Variants in TPRG1 observed in about 807,000 individuals in gnomAD.
TPRG1 encodes tumor protein p63 regulated 1, also known as tumor protein p63-regulated gene 1 protein.
A neutral mutation model predicts 29.3 loss-of-function variants in TPRG1; 29 were observed. The observed-to-expected ratio is 0.99, with a 90% CI of 0.74 to 1.35. TPRG1 has a LOEUF of 1.35. Ranked by LOEUF, TPRG1 falls within the 40% of genes most tolerant of loss-of-function variation. The pLI is 0.00. For missense variants in TPRG1, 327 were observed against 335.0 expected (o/e 0.98, Z 0.19); for synonymous variants, 130 against 116.8 (o/e 1.11, Z -0.73).
At chr3:189,005,832 ATTAAT>A (rs1330093161) in intron 3 of TPRG1, among the ~76,000 whole-genome samples, 4 of 152,194 alleles carry the variant, frequency 2.6e-5, no homozygotes, top group African/African-American at 9.6e-5. Flanking sequence ...GAAATAATTA[ATTAAT>A]TAAATTTATT....
At chr3:189,294,110 G>T (rs1030007271) in intron 4 of TPRG1, among the ~76,000 whole-genome samples, 1 of 152,114 alleles carries the variant, frequency 6.6e-6, no homozygotes, top group Non-Finnish European at 1.5e-5. Flanking sequence ...AGCATAGTTG[G>T]GTATACAAAA....
chr3:189,067,748 AG>A (rs1716547825), intron 4 of TPRG1, among the ~76,000 whole-genome samples: 1 of 152,222 alleles, frequency 6.6e-6, no homozygotes, highest in South Asian at 2.1e-4. Flanking sequence ...GAAACTCTCT[AG>A]GACATTGGTC....
At chr3:189,131,493 GATAAC>G (rs1440222849) in intron 2 of TPRG1, among the ~76,000 whole-genome samples, 2 of 152,264 alleles carry the variant, frequency 1.3e-5, no homozygotes, top group African/African-American at 4.8e-5. Flanking sequence ...GATAGCAGTT[GATAAC>G]ATAATAATAA....
intron 5 of TPRG1, among the ~76,000 whole-genome samples, chr3:189,312,119 T>TTCTCTCTCTCTCTCTCTC (rs1722655272): frequency 2.3e-5 from 1 of 42,804 alleles, no homozygotes; most frequent in African/African-American, 1.1e-4. Flanking sequence ...CTTTCTTTGT[T>TTCTCTCTCTCTCTCTCTC]TCTTTCTTTC....
intron 4 of TPRG1, among the ~76,000 whole-genome samples, chr3:189,280,963 C>T (rs146367664): frequency 1.3e-5 from 2 of 152,136 alleles, no homozygotes; most frequent in Admixed American, 6.5e-5. Context: ...AGGTGGTCTG[C>T]AGCCCCAGGA....
intron 4 of TPRG1, among the ~76,000 whole-genome samples, chr3:189,083,788 T>C (rs1717756628): frequency 6.7e-6 from 1 of 150,176 alleles, no homozygotes; most frequent in Non-Finnish European, 1.5e-5. Context: ...TCAAAACCCA[T>C]TTTTGTCATT....
At chr3:189,092,515 T>C (rs1718405419) in intron 4 of TPRG1, among the ~76,000 whole-genome samples, 1 of 152,014 alleles carries the variant, frequency 6.6e-6, no homozygotes, top group South Asian at 2.1e-4. Flanking sequence ...TTCTTAGGTC[T>C]GTGGCTTCTC....
intron 2 of TPRG1, among the ~76,000 whole-genome samples, chr3:189,208,928 G>A (rs2108812185): frequency 6.6e-6 from 1 of 152,318 alleles, no homozygotes; most frequent in East Asian, 1.9e-4. Context: ...TCTGAATCTG[G>A]TGTTGGGCCT....
intron 4 of TPRG1, among the ~76,000 whole-genome samples, chr3:189,087,452 AGGTT>A (rs771338963): frequency 2.6e-4 from 39 of 152,126 alleles, no homozygotes; most frequent in Non-Finnish European, 4.6e-4. Flanking sequence ...CCCATTCTGT[AGGTT>A]GCCTGTTCAC....
chr3:189,212,551 G>A (rs1560559447), intron 2 of TPRG1, among the ~76,000 whole-genome samples: 1 of 139,760 alleles, frequency 7.2e-6, no homozygotes, highest in Non-Finnish European at 1.5e-5. Flanking sequence ...ATCCTGTGAA[G>A]ATTGTAAAAA....
At chr3:189,059,597 A>T (rs1715961707) in intron 4 of TPRG1, among the ~76,000 whole-genome samples, 1 of 152,078 alleles carries the variant, frequency 6.6e-6, no homozygotes, top group Non-Finnish European at 1.5e-5. Flanking sequence ...ATCTTAAAAA[A>T]ACAAAAACAA....
At position 189,105,897 on chromosome 3, in the gene TPRG1, T is replaced by C. The variant is rs919273908; in HGVS notation, c.-744+5693T>C. Among the ~76,000 whole-genome samples, 10 of 152,068 alleles carry C rather than the reference T, an allele frequency of 6.6e-5. No individual in the cohort carries two copies. The East Asian group carries it at 1.9e-3, about 29-fold the overall frequency. ...AACCTAGTGTGTCCACTGGGGCATG[T>C]TGGGTTTGGGGAGGGAAAGTATCAG... On this transcript the variant is annotated intron_variant, in intron 1 of 6. Transcript: ENST00000412373.
intron 1 of TPRG1, among the ~76,000 whole-genome samples, chr3:189,174,169 A>G (rs1729181490): frequency 6.6e-6 from 1 of 152,224 alleles, no homozygotes; most frequent in Admixed American, 6.5e-5. Context: ...GTCAAGTCCG[A>G]GAATTCATTT....
rs187487658 is a variant in TPRG1, at chr3:189,252,559, T to C, written c.479+13650T>C. Among the ~76,000 whole-genome samples, 481 of 152,236 alleles carry C rather than the reference T, an allele frequency of 3.2e-3. 5 individuals are homozygous for C. Among genetic ancestry groups the C allele is most frequent in the African/African-American group, 0.011 (462 of 41,536 alleles). On this transcript the variant is annotated intron_variant, in intron 4 of 5. Coordinates refer to ENST00000345063, the MANE Select transcript of TPRG1 (RefSeq NM_198485.4). ...TTGTGTTTATAACCTCCCAGAAAAGTAGAGGAAGGAGGGGAAGACTATGGT... is the reference window on the plus strand; with the variant it reads ...TTGTGTTTATAACCTCCCAGAAAAGCAGAGGAAGGAGGGGAAGACTATGGT...
At chr3:189,265,524 C>T (rs539580624) in intron 4 of TPRG1, among the ~76,000 whole-genome samples, 1 of 152,260 alleles carries the variant, frequency 6.6e-6, no homozygotes, top group East Asian at 1.9e-4. Flanking sequence ...TCCCATCTCT[C>T]CTTCTCATAG....
Position 189,140,540 on chromosome 3 carries a change from A to G in TPRG1, c.-290-7044A>G, listed in dbSNP as rs1301232108. Among the ~76,000 whole-genome samples the G allele has an allele frequency of 3.3e-5, 5 of 152,190 alleles. No individual in the cohort carries two copies. The East Asian group carries it at 7.7e-4, about 23-fold the overall frequency. ...ATCTGATGCTTAAATACCTCCTACA[A>G]TGTTACCACTATTATTCTCCTTCTC... is the stretch of plus-strand genomic sequence containing the variant. On this transcript the variant is annotated intron_variant, in intron 3 of 6. Coordinates refer to the TPRG1 transcript ENST00000412373.
intron 4 of TPRG1, among the ~76,000 whole-genome samples, chr3:189,075,156 G>A (rs1226338997): frequency 6.6e-6 from 1 of 150,918 alleles, no homozygotes; most frequent in Non-Finnish European, 1.5e-5. Flanking sequence ...TTTTTGAGAC[G>A]AAGTCTCAGT....
intron 2 of TPRG1, among the ~76,000 whole-genome samples, chr3:189,208,625 G>A (rs955247093): frequency 6.6e-6 from 1 of 152,112 alleles, no homozygotes; most frequent in Non-Finnish European, 1.5e-5. Flanking sequence ...ATACTCTTAT[G>A]TGCAAGATGC....
intron 2 of TPRG1, among the ~76,000 whole-genome samples, chr3:189,209,380 T>A (rs903123647): frequency 6.6e-6 from 1 of 152,172 alleles, no homozygotes; most frequent in African/African-American, 2.4e-5. Flanking sequence ...CAGCCCTAAT[T>A]TGGAAACACA....
Sources: allele counts gnomAD v4.1 joint callset (sites outside exome capture counted in the v4.1 genomes callset), GRCh38; gene constraint gnomAD v4.1.1; transcripts MANE v1.5; gene names NCBI Gene and HGNC (gene_info 2026-07-23, HGNC 2026-07-21).